Variants in SFI1 observed in about 807,000 individuals in gnomAD.
The protein encoded by SFI1 is SFI1 centrin binding protein, also known as protein SFI1 homolog.
Under a neutral mutation model 207.5 loss-of-function variants are expected in SFI1, and 195 were observed. That is an observed-to-expected ratio of 0.94 (90% CI 0.84 to 1.06). The LOEUF (loss-of-function observed/expected upper bound fraction) is 1.06, where lower values mean the gene tolerates loss of function less well. SFI1 is among the 50% of genes least tolerant of loss of function. SFI1 has a pLI of 0.00. For synonymous variants in SFI1, 630 were observed against 598.9 expected (o/e 1.05, Z -0.76); for missense variants, 1,634 against 1,588.0 (o/e 1.03, Z -0.49).
chr22:31,583,833 T>C lies in SFI1; in HGVS notation c.1249-42T>C, dbSNP rs749749337. 5 of 1,555,114 alleles carry C rather than the reference T, an allele frequency of 3.2e-6. No individual in the cohort carries two copies. In the Admixed American group the frequency reaches 8.3e-5, roughly 26 times the overall value. ...GGAGTAAGGATTCACTGTTTTACCT[T>C]TCATCTCAGTACATTTCCATCTTCT... On this transcript the variant is annotated intron_variant, in intron 12 of 32. Coordinates refer to ENST00000400288, the MANE Select transcript of SFI1 (RefSeq NM_001007467.3).
intron 4 of SFI1, among the ~76,000 whole-genome samples, chr22:31,543,110 A>G (rs2059729575): frequency 6.6e-6 from 1 of 151,208 alleles, no homozygotes; most frequent in African/African-American, 2.4e-5. Flanking sequence ...AGTTGGGACT[A>G]CAGGTGCCCG....
intron 2 of SFI1, among the ~76,000 whole-genome samples, chr22:31,527,600 G>C (rs1253106524): frequency 6.6e-6 from 1 of 152,068 alleles, no homozygotes; most frequent in Non-Finnish European, 1.5e-5. Flanking sequence ...TTTTTAAAAA[G>C]TATATTAAAC....
intron 2 of SFI1, among the ~76,000 whole-genome samples, chr22:31,516,249 A>T (rs1483728784): frequency 6.6e-6 from 1 of 152,084 alleles, no homozygotes; most frequent in East Asian, 1.9e-4. Flanking sequence ...GCCGTGGCTT[A>T]CGTCTGGAAT....
At chr22:31,528,926 A>G (rs1485814634) in intron 3 of SFI1, 63 bp downstream of exon 3, 1 of 1,480,382 alleles carries the variant, frequency 6.8e-7, no homozygotes, top group Non-Finnish European at 9.2e-7. Flanking sequence ...TCTTGGTTAA[A>G]ATGGGGGAAT....
At chr22:31,524,297 T>A (rs779665449) in intron 2 of SFI1, among the ~76,000 whole-genome samples, 1 of 152,222 alleles carries the variant, frequency 6.6e-6, no homozygotes. Context: ...ACCTAACAAG[T>A]AAGATGACAC....
chr22:31,552,418 A>G (rs1293999591), intron 6 of SFI1, among the ~76,000 whole-genome samples: 1 of 151,758 alleles, frequency 6.6e-6, no homozygotes, highest in Non-Finnish European at 1.5e-5. Context: ...ATGCCCAACT[A>G]ATTTTTGTAT....
chr22:31,581,491 C>T (rs1789690130), intron 12 of SFI1, among the ~76,000 whole-genome samples: 2 of 151,806 alleles, frequency 1.3e-5, no homozygotes, highest in Non-Finnish European at 2.9e-5. Flanking sequence ...GGTTTTTCCC[C>T]ATGTTGGTTG....
At chr22:31,527,285 C>T (rs551214954) in intron 2 of SFI1, among the ~76,000 whole-genome samples, 84 of 152,242 alleles carry the variant, frequency 5.5e-4, no homozygotes, top group African/African-American at 1.9e-3. Context: ...ATAGTTACCC[C>T]GTGCCCTGCA....
At chr22:31,575,134 C>G in intron 9 of SFI1, 97 bp from the exon 10 acceptor site, 2 of 1,048,720 alleles carry the variant, frequency 1.9e-6, no homozygotes, top group Non-Finnish European at 1.3e-6. Flanking sequence ...CCTTGAACCC[C>G]TGCTCTCTGC....
At chr22:31,571,088 CAG>C (rs1302501273) in intron 8 of SFI1, among the ~76,000 whole-genome samples, 3 of 152,180 alleles carry the variant, frequency 2.0e-5, no homozygotes, top group African/African-American at 4.8e-5. Flanking sequence ...GAGCTTGAAA[CAG>C]AAAGAACCAA....
chr22:31,554,966 G>A (rs1315452489), intron 6 of SFI1, among the ~76,000 whole-genome samples: 1 of 152,126 alleles, frequency 6.6e-6, no homozygotes, highest in Non-Finnish European at 1.5e-5. Context: ...ATATTTGGGA[G>A]TTTCCCAATA....
intron 15 of SFI1, among the ~76,000 whole-genome samples, chr22:31,594,005 A>AGGGG (rs71184509): frequency 7.8e-6 from 1 of 128,214 alleles, no homozygotes; most frequent in African/African-American, 3.0e-5. Context: ...AGGGAGAGGG[A>AGGGG]CAGGGAGAGG....
chr22:31,591,501 T>A (rs1603256963), intron 15 of SFI1, among the ~76,000 whole-genome samples: 1 of 149,012 alleles, frequency 6.7e-6, no homozygotes, highest in Non-Finnish European at 1.5e-5. Context: ...CCAGACGGGG[T>A]GGTGGCCGGG....
At chr22:31,618,254 C>T (rs1458096204) in intron 32 of SFI1, 28 bp downstream of exon 32, 1 of 1,597,926 alleles carries the variant, frequency 6.3e-7, no homozygotes, top group African/African-American at 1.3e-5. Flanking sequence ...CCCCAGGTGT[C>T]CCTGGGGACG....
At chr22:31,553,529 A>ATTTTTTT (rs71202096) in intron 6 of SFI1, among the ~76,000 whole-genome samples, 16 of 82,620 alleles carry the variant, frequency 1.9e-4, no homozygotes, top group Admixed American at 2.9e-4. Flanking sequence ...TAATTTTTGT[A>ATTTTTTT]TTTTTTTTTT....
At chr22:31,595,178 A>AG (rs1170257316) in intron 15 of SFI1, among the ~76,000 whole-genome samples, 2 of 151,586 alleles carry the variant, frequency 1.3e-5, no homozygotes, top group Non-Finnish European at 2.9e-5. Flanking sequence ...TTGTATCTTT[A>AG]GTAGGGACGG....
intron 24 of SFI1, chr22:31,612,398 A>ATATATATATAT (rs1411274365): frequency 5.0e-5 from 3 of 60,200 alleles, no homozygotes; most frequent in African/African-American, 6.6e-5. Context: ...AAAAAAAAAA[A>ATATATATATAT]ATATATATAT....
intron 6 of SFI1, among the ~76,000 whole-genome samples, chr22:31,554,357 G>A (rs951226658): frequency 2.0e-5 from 3 of 151,692 alleles, no homozygotes; most frequent in Admixed American, 2.0e-4. Flanking sequence ...TGCCCAGGCT[G>A]GAGTGCAGTG....
At chr22:31,519,562 G>A (rs899655360) in intron 2 of SFI1, among the ~76,000 whole-genome samples, 1 of 151,716 alleles carries the variant, frequency 6.6e-6, no homozygotes, top group Non-Finnish European at 1.5e-5. Context: ...TCAGCCCCCC[G>A]AGTAGCTGGG....
Sources: gnomAD v4.1 joint callset for allele counts (sites outside exome capture counted in the v4.1 genomes callset) on GRCh38, gnomAD v4.1.1 for gene constraint, MANE v1.5 for transcripts, NCBI Gene and HGNC (gene_info 2026-07-23, HGNC 2026-07-21) for gene names.